Variants in L3MBTL4 observed in about 807,000 individuals in gnomAD.
L3MBTL4 encodes lethal(3)malignant brain tumor-like protein 4.
L3MBTL4 carries 70 observed loss-of-function variants against 84.5 expected under a neutral mutation model. The observed-to-expected ratio is 0.83, with a 90% confidence interval of 0.68 to 1.01. The LOEUF (loss-of-function observed/expected upper bound fraction) is 1.01. Among genes scored for constraint, L3MBTL4 ranks in the 50% least tolerant of loss-of-function variants. L3MBTL4 has a pLI of 0.00. For missense variants in L3MBTL4, 715 were observed against 754.8 expected (o/e 0.95, Z 0.62); for synonymous variants, 274 against 259.8 (o/e 1.05, Z -0.52).
intron 18 of L3MBTL4, among the ~76,000 whole-genome samples, chr18:5,958,453 C>T (rs1055279190): frequency 6.6e-6 from 1 of 152,190 alleles, no homozygotes; most frequent in Non-Finnish European, 1.5e-5. Context: ...GCAAAAATTG[C>T]TGTCCAAATA....
chr18:6,075,432 T>C (rs1396366135), intron 16 of L3MBTL4, among the ~76,000 whole-genome samples: 3 of 152,108 alleles, frequency 2.0e-5, no homozygotes, highest in Non-Finnish European at 2.9e-5. Context: ...TACTGAGCAA[T>C]AGGGAAATGA....
At chr18:6,381,661 C>T (rs2054600250) in intron 1 of L3MBTL4, among the ~76,000 whole-genome samples, 1 of 152,228 alleles carries the variant, frequency 6.6e-6, no homozygotes, top group Non-Finnish European at 1.5e-5. Context: ...ATATTGGCCT[C>T]CACACTCTTC....
intron 1 of L3MBTL4, among the ~76,000 whole-genome samples, chr18:6,364,303 T>C (rs1457694608): frequency 6.6e-6 from 1 of 152,084 alleles, no homozygotes; most frequent in Non-Finnish European, 1.5e-5. Context: ...TATATTGTTA[T>C]TTTTAAATAA....
At chr18:6,006,189 G>C (rs547128647) in intron 16 of L3MBTL4, among the ~76,000 whole-genome samples, 13 of 152,306 alleles carry the variant, frequency 8.5e-5, no homozygotes, top group Admixed American at 8.5e-4. Context: ...TATCTCTAGA[G>C]GGGAAGCCCT....
intron 5 of L3MBTL4, among the ~76,000 whole-genome samples, chr18:6,254,412 C>CTT (rs763440464): frequency 5.8e-4 from 65 of 112,668 alleles, no homozygotes; most frequent in Non-Finnish European, 7.5e-4. Context: ...AAAGTGACAC[C>CTT]TTTTTTTTTT....
At chr18:6,027,311 T>G (rs1224005801) in intron 16 of L3MBTL4, among the ~76,000 whole-genome samples, 3 of 152,166 alleles carry the variant, frequency 2.0e-5, no homozygotes, top group Non-Finnish European at 2.9e-5. Context: ...CCGTGTTAGT[T>G]TGCTAAGAAT....
At chr18:5,989,797 T>A (rs2053608883) in intron 16 of L3MBTL4, among the ~76,000 whole-genome samples, 1 of 152,232 alleles carries the variant, frequency 6.6e-6, no homozygotes, top group Non-Finnish European at 1.5e-5. Flanking sequence ...TCCTGGAGGC[T>A]GCACCCTGTC....
At chr18:6,295,336 C>CTATATATATATA in intron 4 of L3MBTL4, among the ~76,000 whole-genome samples, 1 of 130,818 alleles carries the variant, frequency 7.6e-6, no homozygotes, top group African/African-American at 3.4e-5. Context: ...CTCTCTCTCT[C>CTATATATATATA]TCTCTCTCTC....
At chr18:6,346,113 T>C (rs972544518) in intron 1 of L3MBTL4, among the ~76,000 whole-genome samples, 5 of 146,954 alleles carry the variant, frequency 3.4e-5, no homozygotes, top group African/African-American at 9.9e-5. Flanking sequence ...AATATATATA[T>C]ATATATATAT....
At chr18:5,992,227 G>A (rs2053734370) in intron 16 of L3MBTL4, among the ~76,000 whole-genome samples, 1 of 152,190 alleles carries the variant, frequency 6.6e-6, no homozygotes, top group Admixed American at 6.5e-5. Flanking sequence ...GGGAGGGGAG[G>A]TTTGAGCTGG....
chr18:6,393,474 T>C (rs2055142824), intron 1 of L3MBTL4, among the ~76,000 whole-genome samples: 1 of 152,188 alleles, frequency 6.6e-6, no homozygotes, highest in Admixed American at 6.5e-5. Flanking sequence ...TGCTAGAAGC[T>C]AACATTTATT....
chr18:6,362,696 T>C (rs2053759702), intron 1 of L3MBTL4, among the ~76,000 whole-genome samples: 1 of 152,236 alleles, frequency 6.6e-6, no homozygotes, highest in Non-Finnish European at 1.5e-5. Flanking sequence ...ATAAAACACT[T>C]TCCCTCCCTG....
intron 16 of L3MBTL4, among the ~76,000 whole-genome samples, chr18:5,984,398 T>C (rs955868865): frequency 6.6e-6 from 1 of 152,218 alleles, no homozygotes; most frequent in East Asian, 1.9e-4. Flanking sequence ...ACAACTTTCA[T>C]ATACCACAGA....
chr18:6,210,030 C>T (rs888368504), intron 12 of L3MBTL4, among the ~76,000 whole-genome samples: 2 of 152,198 alleles, frequency 1.3e-5, no homozygotes, highest in East Asian at 3.9e-4. Flanking sequence ...CTAATGGGTA[C>T]AAGGTTGCTT....
chr18:5,993,477 T>G (rs1201798562), intron 16 of L3MBTL4, among the ~76,000 whole-genome samples: 3 of 152,218 alleles, frequency 2.0e-5, no homozygotes, highest in Admixed American at 6.5e-5. Context: ...TGAAACAGCT[T>G]TTGGTATTTC....
At chr18:6,072,502 C>T (rs926382253) in intron 16 of L3MBTL4, among the ~76,000 whole-genome samples, 2 of 151,816 alleles carry the variant, frequency 1.3e-5, no homozygotes, top group East Asian at 1.9e-4. Context: ...GCAGGAAAAG[C>T]CATGCTTAAA....
intron 5 of L3MBTL4, among the ~76,000 whole-genome samples, chr18:6,246,125 C>T (rs1179760624): frequency 6.6e-6 from 1 of 152,128 alleles, no homozygotes; most frequent in African/African-American, 2.4e-5. Context: ...TCTTATGTTT[C>T]ATTGACTTAT....
At chr18:6,016,039 C>T (rs749681285) in intron 16 of L3MBTL4, among the ~76,000 whole-genome samples, 71 of 152,184 alleles carry the variant, frequency 4.7e-4, no homozygotes, top group Non-Finnish European at 3.7e-4. Context: ...GGAAGATGAA[C>T]GCTTGGCTGG....
rs768764270 is a variant in L3MBTL4, at chr18:6,063,919, G to GA, written c.1444+16961dup. Among the ~76,000 whole-genome samples the GA allele has an allele frequency of 4.6e-5, 7 of 152,048 alleles. No individual in the cohort carries two copies. In the East Asian group the frequency reaches 1.4e-3, roughly 29 times the overall value. On this transcript the variant is annotated intron_variant, in intron 16 of 18. Transcript: ENST00000317931. ...TATTTGCTTCTGGGGTCTTAGTCTT[G>GA]AATTCTTTGCCTAAGCTAATGTCCA...
Sources: allele counts gnomAD v4.1 joint callset (sites outside exome capture counted in the v4.1 genomes callset), GRCh38; gene constraint gnomAD v4.1.1; transcripts MANE v1.5; gene names NCBI Gene and HGNC (gene_info 2026-07-23, HGNC 2026-07-21).